Variants in TMCC3 observed in about 807,000 individuals in gnomAD.
TMCC3 encodes the protein transmembrane and coiled-coil domain protein 3.
Under a neutral mutation model 40.2 loss-of-function variants are expected in TMCC3, and 28 were observed. The observed-to-expected ratio is 0.70, with a 90% CI of 0.52 to 0.95. The LOEUF is 0.95. TMCC3 is among the 40% of genes least tolerant of loss of function. The pLI is 0.00. For synonymous variants in TMCC3, 255 were observed against 248.5 expected, an observed-to-expected ratio of 1.03 and a Z score of -0.25; for missense variants, 554 against 615.2, an observed-to-expected ratio of 0.90 and a Z score of 1.05.
At chr12:94,581,102 AT>A (rs1354649581) in intron 2 of TMCC3, among the ~76,000 whole-genome samples, 1 of 152,144 alleles carries the variant, frequency 6.6e-6, no homozygotes, top group Non-Finnish European at 1.5e-5. Flanking sequence ...TTTTTTTCAG[AT>A]TTTGGAATAT....
At chr12:94,634,275 T>C (rs1030339089) in intron 1 of TMCC3, among the ~76,000 whole-genome samples, 4 of 152,150 alleles carry the variant, frequency 2.6e-5, no homozygotes, top group African/African-American at 9.7e-5. Context: ...TTTATCTATC[T>C]GTTACCATTC....
In TMCC3 at chr12:94,571,739, T is replaced by C; in HGVS notation, c.1132-2A>G. 2 of 1,613,488 alleles carry C rather than the reference T, an allele frequency of 1.2e-6. No homozygotes were observed. The highest frequency in any genetic ancestry group is 1.1e-5 in the South Asian group (1 of 91,066). ...AGTCTGGCAGGATTCCAAGGCTTCC[T>C]GTGAGCAAGAGGGAGAGCAAGGGTC... On this transcript the variant is annotated splice_acceptor_variant, in intron 3 of 3. Coordinates refer to ENST00000261226, the MANE Select transcript of TMCC3 (RefSeq NM_020698.4). LOFTEE classifies it high-confidence loss of function.
intron 1 of TMCC3, among the ~76,000 whole-genome samples, chr12:94,631,078 T>C (rs1419440012): frequency 6.6e-6 from 1 of 152,222 alleles, no homozygotes; most frequent in African/African-American, 2.4e-5. Flanking sequence ...CATAACCACT[T>C]GACATGTCAA....
chr12:94,594,303 C>T (rs1009813768), intron 1 of TMCC3, among the ~76,000 whole-genome samples: 4 of 151,976 alleles, frequency 2.6e-5, no homozygotes, highest in African/African-American at 9.7e-5. Context: ...CACTAGCTCA[C>T]TGCAACCTTG....
chr12:94,574,130 C>G (rs2068549186), intron 3 of TMCC3, among the ~76,000 whole-genome samples: 1 of 152,092 alleles, frequency 6.6e-6, no homozygotes, highest in African/African-American at 2.4e-5. Context: ...TGCCTGTAAT[C>G]CCAGCATTCT....
intron 1 of TMCC3, among the ~76,000 whole-genome samples, chr12:94,612,261 A>G (rs917079533): frequency 6.6e-6 from 1 of 151,332 alleles, no homozygotes; most frequent in South Asian, 2.1e-4. Context: ...TTGGCCTCCT[A>G]AAGCTGGGAT....
chr12:94,609,197 C>T (rs2068800772), intron 1 of TMCC3, among the ~76,000 whole-genome samples: 1 of 152,024 alleles, frequency 6.6e-6, no homozygotes, highest in African/African-American at 2.4e-5. Context: ...CACTACACAC[C>T]AGCCTGGGTG....
intron 1 of TMCC3, among the ~76,000 whole-genome samples, chr12:94,609,170 G>C (rs2068800601): frequency 6.6e-6 from 1 of 152,186 alleles, no homozygotes; most frequent in Non-Finnish European, 1.5e-5. Context: ...CGAGGTTGCA[G>C]TGAGCTATGA....
chr12:94,581,039 A>T (rs2138824461), intron 2 of TMCC3, among the ~76,000 whole-genome samples: 1 of 152,312 alleles, frequency 6.6e-6, no homozygotes, highest in Non-Finnish European at 1.5e-5. Flanking sequence ...GATGGAAATT[A>T]TTGGGTATCC....
intron 1 of TMCC3, among the ~76,000 whole-genome samples, chr12:94,590,260 A>ATTTTTTTTTTTTTT (rs72186655): frequency 7.0e-5 from 6 of 85,362 alleles, no homozygotes; most frequent in East Asian, 3.3e-4. Context: ...CGCCCTGCTA[A>ATTTTTTTTTTTTTT]TTTTTTTTTT....
chr12:94,578,522 G>C lies in TMCC3; in HGVS notation c.1003C>G (p.Arg335Gly). The C allele has an allele frequency of 1.2e-6, 2 of 1,613,312 alleles. No individual in the cohort carries two copies. Among genetic ancestry groups the C allele is most frequent in the Non-Finnish European group, 1.7e-6 (2 of 1,179,614 alleles). Residue 335 changes from arginine to glycine, a missense_variant, in exon 3 of 4, where the codon CGA becomes GGA. Physicochemically the swap from Arg to Gly is moderately radical, Grantham distance 125 (BLOSUM62 -2). Transcript: ENST00000261226. ...AGGTCATGCAGCTGGTCCTCCAGTC[G>C]CTCATACCTTTAAAAGAGAGGAGCC... ...TLQEERYRYE[R>G]LEDQLHDLTD...
chr12:94,596,277 G>A (rs188516258), intron 1 of TMCC3, among the ~76,000 whole-genome samples: 26 of 152,250 alleles, frequency 1.7e-4, no homozygotes, highest in African/African-American at 1.4e-4. Flanking sequence ...GAAAGGGGGA[G>A]GCATCAAATA....
At position 94,650,434 on chromosome 12, in the gene TMCC3, C is replaced by T; in HGVS notation, c.-4G>A. 7.8e-7 allele frequency: 1 copy of T among 1,288,970 alleles called. No homozygotes were observed. Among genetic ancestry groups the T allele is most frequent in the Admixed American group, 3.7e-5 (1 of 26,918 alleles). The allele number at this position is 1,288,970 out of a possible 1,614,324, so 79.8% of individuals were successfully genotyped here. A position where few individuals can be genotyped will look rare whatever the true frequency, so the allele number is the denominator to read the frequency against. Reference sequence around the variant, plus strand: ...GCGCCGTGTCGCTGCCCGGCATCTCCGCGCTCCGGCCGCGAACTTTCCCGT... The same window carrying T: ...GCGCCGTGTCGCTGCCCGGCATCTCTGCGCTCCGGCCGCGAACTTTCCCGT... On this transcript the variant is annotated 5_prime_UTR_variant, in exon 1 of 4. Coordinates refer to ENST00000261226, the MANE Select transcript of TMCC3 (RefSeq NM_020698.4).
Position 94,582,357 on chromosome 12 carries a change from G to A in TMCC3, c.260C>T (p.Thr87Ile), listed in dbSNP as rs1177389100. 5 of 1,613,976 alleles carry A rather than the reference G, an allele frequency of 3.1e-6. No homozygotes were observed. Among genetic ancestry groups the A allele is most frequent in the Non-Finnish European group, 4.2e-6 (5 of 1,180,008 alleles). The change falls in exon 2 of 4, where the codon ACA (threonine) becomes ATA (isoleucine). Residue 87 changes from threonine to isoleucine, a missense_variant. Physicochemically the swap from Thr to Ile is moderately conservative, Grantham distance 89. Transcript: ENST00000261226. Reference sequence around the variant, plus strand: ...CTCCGCAACATTCCCATCGCGCGATGTTTGCTCAATTTTTATCTGCTCTGT... The same window carrying A: ...CTCCGCAACATTCCCATCGCGCGATATTTGCTCAATTTTTATCTGCTCTGT... ...KVTEQIKIEQ[T>I]SRDGNVAEYL...
rs1242656929 is a variant in TMCC3 at position 94,568,523 on chromosome 12, A to T, written c.*2912T>A. 1 of 152,236 alleles carries T rather than the reference A, an allele frequency of 6.6e-6. No individual in the cohort carries two copies. The highest frequency in any genetic ancestry group is 1.5e-5 in the Non-Finnish European group (1 of 68,038). 9.4% of individuals were successfully genotyped at this position (152,236 alleles called of 1,614,324 possible). A position where few individuals can be genotyped will look rare whatever the true frequency, so the allele number is the denominator to read the frequency against. ...AAATGAAAGGGGTGGGGAAAGGATT[A>T]TAGTTGACACAAACATAAATTAAAT... is the stretch of plus-strand genomic sequence containing the variant. On this transcript the variant is annotated 3_prime_UTR_variant, in exon 4 of 4. Coordinates refer to ENST00000261226, the MANE Select transcript of TMCC3 (RefSeq NM_020698.4).
At chr12:94,629,113 T>C (rs2068918700) in intron 1 of TMCC3, among the ~76,000 whole-genome samples, 1 of 152,190 alleles carries the variant, frequency 6.6e-6, no homozygotes, top group African/African-American at 2.4e-5. Flanking sequence ...GATTTAGTAT[T>C]TCCTCGGCAC....
chr12:94,589,137 G>GT (rs58282331), intron 1 of TMCC3, among the ~76,000 whole-genome samples: 36 of 136,038 alleles, frequency 2.6e-4, no homozygotes, highest in Middle Eastern at 3.9e-3. Flanking sequence ...TGAGGTTGTT[G>GT]TTTTTTTTTA....
chr12:94,610,833 ACTCTATGTGTATGAAC>A (rs754087231), intron 1 of TMCC3, among the ~76,000 whole-genome samples: 94 of 152,020 alleles, frequency 6.2e-4, no homozygotes, highest in Non-Finnish European at 1.2e-3. Flanking sequence ...ACAATTGTAT[ACTCTATGTGTATGAAC>A]ATTTCTAGAA....
At chr12:94,635,325 G>A (rs2068954131) in intron 1 of TMCC3, among the ~76,000 whole-genome samples, 1 of 152,168 alleles carries the variant, frequency 6.6e-6, no homozygotes. Flanking sequence ...CCTGTGACCT[G>A]CAGAACACAA....
Sources: gnomAD v4.1 joint callset for allele counts (sites outside exome capture counted in the v4.1 genomes callset) on GRCh38, gnomAD v4.1.1 for gene constraint, MANE v1.5 for transcripts, NCBI Gene and HGNC (gene_info 2026-07-23, HGNC 2026-07-21) for gene names.